Variants in ADAM23 observed in about 807,000 individuals in gnomAD.
ADAM23 encodes the protein ADAM metallopeptidase domain 23, also known as disintegrin and metalloproteinase domain-containing protein 23.
In ADAM23, 33 loss-of-function variants were observed where a neutral mutation model predicts 120.1. The ratio of observed to expected loss-of-function variants is 0.27; its 90% CI spans 0.21 to 0.37. ADAM23 has a LOEUF of 0.37. ADAM23 is among the 10% of genes least tolerant of loss of function. ADAM23 has a pLI of 1.00. For missense variants in ADAM23, 862 were observed against 1,058.2 expected, an observed-to-expected ratio of 0.81 and a Z score of 2.57; for synonymous variants, 367 against 375.2, an observed-to-expected ratio of 0.98 and a Z score of 0.25.
chr2:206,472,615 G>GAA (rs11389922), intron 2 of ADAM23, among the ~76,000 whole-genome samples: 178 of 142,566 alleles, frequency 1.2e-3, no homozygotes, highest in African/African-American at 2.1e-3. Context: ...CATCTCAGGG[G>GAA]AAAAAAAAAA....
rs1446848926 is a variant in ADAM23, at chr2:206,619,788, T to C, written c.*2161T>C. 1.3e-5 allele frequency: 2 copies of C among 152,214 alleles called. No homozygotes were observed. The highest frequency in any genetic ancestry group is 2.9e-5 in the Non-Finnish European group (2 of 68,032). 9.4% of individuals were successfully genotyped at this position (152,214 alleles called of 1,614,324 possible). ...CTACAATAGACCATCACCAAACATC[T>C]TATCATGTTGTTGCTTTCTGAGTAA... On this transcript the variant is annotated 3_prime_UTR_variant, in exon 26 of 26. Transcript: ENST00000264377.
At chr2:206,493,715 C>T (rs1434190713) in intron 3 of ADAM23, among the ~76,000 whole-genome samples, 7 of 152,214 alleles carry the variant, frequency 4.6e-5, no homozygotes, top group East Asian at 1.9e-4. Context: ...AAAAGTTTCA[C>T]GTCCTTTAAT....
intron 3 of ADAM23, among the ~76,000 whole-genome samples, chr2:206,510,623 TTGTC>T (rs1696604453): frequency 6.6e-6 from 1 of 152,234 alleles, no homozygotes; most frequent in African/African-American, 2.4e-5. Flanking sequence ...AAAAAGCAGA[TTGTC>T]TGAGAAAGAC....
chr2:206,559,899 C>G, intron 10 of ADAM23, 56 bp from the exon 11 acceptor site: 2 of 1,485,356 alleles, frequency 1.3e-6, no homozygotes, highest in Admixed American at 1.8e-5. Context: ...ACTCACTGAT[C>G]GTGCATGTTT....
intron 3 of ADAM23, among the ~76,000 whole-genome samples, chr2:206,529,645 G>T (rs1450093593): frequency 6.6e-6 from 1 of 152,084 alleles, no homozygotes; most frequent in African/African-American, 2.4e-5. Flanking sequence ...ACAATTCTTT[G>T]CCTTGGCCTT....
chr2:206,539,731 T>G (rs1697252779), intron 4 of ADAM23, among the ~76,000 whole-genome samples: 1 of 152,198 alleles, frequency 6.6e-6, no homozygotes, highest in Non-Finnish European at 1.5e-5. Flanking sequence ...TGGATTGCTC[T>G]TTCTCTCTCA....
chr2:206,566,000 G>T (rs953220673), intron 14 of ADAM23, among the ~76,000 whole-genome samples: 2 of 152,002 alleles, frequency 1.3e-5, no homozygotes, highest in African/African-American at 2.4e-5. Flanking sequence ...AGTTTAAAAC[G>T]TGAAACCCTT....
chr2:206,592,560 A>AT, intron 21 of ADAM23, 57 bp from the exon 22 acceptor site: 1 of 1,569,246 alleles, frequency 6.4e-7, no homozygotes. Context: ...AATCGTTTTG[A>AT]TTTTTTGAGC....
chr2:206,443,659 C>T lies in ADAM23; in HGVS notation c.-208C>T, dbSNP rs989390155. The T allele has an allele frequency of 6.6e-6, 1 of 152,478 alleles. No homozygotes were observed. Among genetic ancestry groups the T allele is most frequent in the African/African-American group, 2.4e-5 (1 of 41,076 alleles). 9.4% of individuals were successfully genotyped at this position (152,478 alleles called of 1,614,324 possible). On this transcript the variant is annotated 5_prime_UTR_variant, in exon 1 of 26. Transcript: ENST00000264377. ...ACCCCTGGACTCCTCTGCGTCCCGC[C>T]CCGGGAGTGGCTGCGAGGCTAGGCG...
chr2:206,608,146 A>G (rs1698763840), intron 24 of ADAM23: 2 of 291,130 alleles, frequency 6.9e-6, no homozygotes, highest in African/African-American at 4.5e-5. Context: ...CCAGATGGTA[A>G]ATAGTTTTAG....
chr2:206,466,553 A>AT (rs763058331), intron 2 of ADAM23, among the ~76,000 whole-genome samples: 9 of 152,224 alleles, frequency 5.9e-5, no homozygotes, highest in Admixed American at 3.3e-4. Flanking sequence ...ATTTACTAGG[A>AT]TTTTTTTATC....
chr2:206,486,345 T>G (rs1294570839), intron 3 of ADAM23, among the ~76,000 whole-genome samples: 3 of 152,112 alleles, frequency 2.0e-5, no homozygotes, highest in East Asian at 1.9e-4. Context: ...CTTTCCTTTT[T>G]TTTTTTTAGT....
chr2:206,509,573 C>G (rs540975826), intron 3 of ADAM23, among the ~76,000 whole-genome samples: 1 of 152,072 alleles, frequency 6.6e-6, no homozygotes, highest in Non-Finnish European at 1.5e-5. Context: ...CTCAGCCTCT[C>G]GAGTAGCTGC....
At chr2:206,539,590 G>A (rs568379128) in intron 4 of ADAM23, among the ~76,000 whole-genome samples, 1 of 152,324 alleles carries the variant, frequency 6.6e-6, no homozygotes, top group Admixed American at 6.5e-5. Context: ...TGAGGTAATG[G>A]TTGTTGAAGA....
chr2:206,510,458 T>C (rs575537114), intron 3 of ADAM23, among the ~76,000 whole-genome samples: 1 of 152,094 alleles, frequency 6.6e-6, no homozygotes, highest in African/African-American at 2.4e-5. Flanking sequence ...AATGTTCTTT[T>C]TACATTGCCA....
At chr2:206,501,339 A>G (rs1216131891) in intron 3 of ADAM23, among the ~76,000 whole-genome samples, 1 of 151,698 alleles carries the variant, frequency 6.6e-6, no homozygotes, top group Non-Finnish European at 1.5e-5. Flanking sequence ...GCTATCAAGT[A>G]CTTTTTTTTT....
chr2:206,555,487 C>A (rs1016287906), intron 9 of ADAM23, among the ~76,000 whole-genome samples: 1 of 152,158 alleles, frequency 6.6e-6, no homozygotes, highest in Non-Finnish European at 1.5e-5. Context: ...AGCTTCCCAA[C>A]AGGTATCTCT....
intron 2 of ADAM23, among the ~76,000 whole-genome samples, chr2:206,451,018 A>G (rs564697549): frequency 6.6e-6 from 1 of 152,216 alleles, no homozygotes; most frequent in Admixed American, 6.5e-5. Flanking sequence ...GGCTGTAGGC[A>G]TCCAAAGGAG....
At chr2:206,580,876 T>C (rs934095412) in intron 18 of ADAM23, among the ~76,000 whole-genome samples, 9 of 152,164 alleles carry the variant, frequency 5.9e-5, no homozygotes, top group African/African-American at 2.2e-4. Flanking sequence ...TTTTAAATTA[T>C]CATTTCAATC....
Sources: allele counts gnomAD v4.1 joint callset (sites outside exome capture counted in the v4.1 genomes callset), GRCh38; gene constraint gnomAD v4.1.1; transcripts MANE v1.5; gene names NCBI Gene and HGNC (gene_info 2026-07-23, HGNC 2026-07-21).